Variants in RAD51B observed in about 807,000 individuals in gnomAD.
RAD51B encodes RAD51 paralog B, also known as DNA repair protein RAD51 homolog 2.
RAD51B carries 38 observed loss-of-function variants against 42.2 expected under a neutral mutation model. The ratio of observed to expected loss-of-function variants is 0.90; its 90% CI spans 0.70 to 1.18. The LOEUF (loss-of-function observed/expected upper bound fraction) is 1.18. RAD51B is among the 50% of genes most tolerant of loss of function. The probability of loss-of-function intolerance (pLI) is 0.00; values close to 1 mark genes in which losing one functional copy is unlikely to be tolerated. For synonymous variants in RAD51B, 154 were observed against 145.2 expected, an observed-to-expected ratio of 1.06 and a Z score of -0.43; for missense variants, 373 against 400.7, an observed-to-expected ratio of 0.93 and a Z score of 0.59.
At chr14:68,647,169 C>T (rs1892578650) in intron 10 of RAD51B, among the ~76,000 whole-genome samples, 1 of 152,134 alleles carries the variant, frequency 6.6e-6, no homozygotes, top group Admixed American at 6.5e-5. Context: ...TTTGCTTCAC[C>T]TGTTGATTTT....
intron 9 of RAD51B, among the ~76,000 whole-genome samples, chr14:68,456,921 T>G (rs900727719): frequency 1.9e-5 from 2 of 106,378 alleles, no homozygotes; most frequent in African/African-American, 4.0e-5. Context: ...TTTTTTTTTT[T>G]GCTTTTTTTG....
chr14:68,111,734 C>A (rs552145600), intron 7 of RAD51B, among the ~76,000 whole-genome samples: 1 of 152,118 alleles, frequency 6.6e-6, no homozygotes, highest in African/African-American at 2.4e-5. Flanking sequence ...GGGCAGGTTG[C>A]CAGAAGTGCC....
At chr14:68,498,366 G>A (rs1047270346) in intron 10 of RAD51B, among the ~76,000 whole-genome samples, 22 of 152,222 alleles carry the variant, frequency 1.4e-4, no homozygotes, top group African/African-American at 5.3e-4. Flanking sequence ...CCATAGCTAA[G>A]CAAGGGGCAG....
intron 7 of RAD51B, among the ~76,000 whole-genome samples, chr14:67,996,369 CTG>C (rs980241816): frequency 8.0e-4 from 121 of 151,664 alleles, no homozygotes; most frequent in African/African-American, 2.8e-3. Flanking sequence ...GCACTCCAGC[CTG>C]TGTTGACAGA....
At chr14:67,890,723 G>A (rs902288312) in intron 7 of RAD51B, among the ~76,000 whole-genome samples, 1 of 150,442 alleles carries the variant, frequency 6.6e-6, no homozygotes, top group African/African-American at 2.4e-5. Context: ...TATTTAGGAG[G>A]TAACAGCTAA....
intron 9 of RAD51B, among the ~76,000 whole-genome samples, chr14:68,412,893 C>T (rs1281384643): frequency 6.6e-6 from 1 of 152,198 alleles, no homozygotes; most frequent in Non-Finnish European, 1.5e-5. Context: ...TTGTTGAACA[C>T]ACCTATGTAA....
intron 7 of RAD51B, among the ~76,000 whole-genome samples, chr14:67,949,408 C>G (rs1008066875): frequency 2.6e-5 from 4 of 152,156 alleles, no homozygotes; most frequent in African/African-American, 9.7e-5. Context: ...TTGCTCATAC[C>G]TTATCCCTCA....
intron 7 of RAD51B, among the ~76,000 whole-genome samples, chr14:68,108,344 A>G (rs539236422): frequency 3.0e-4 from 46 of 152,126 alleles, no homozygotes; most frequent in African/African-American, 7.7e-4. Flanking sequence ...ATTATTCATA[A>G]TAGTCAGAAA....
chr14:68,423,357 G>A (rs1377382182), intron 9 of RAD51B, among the ~76,000 whole-genome samples: 2 of 152,200 alleles, frequency 1.3e-5, no homozygotes, highest in Non-Finnish European at 2.9e-5. Flanking sequence ...TTGCTATGCT[G>A]AGTTGATTCA....
chr14:68,199,208 C>A (rs1332290438), intron 7 of RAD51B, among the ~76,000 whole-genome samples: 3 of 152,206 alleles, frequency 2.0e-5, no homozygotes, highest in African/African-American at 7.2e-5. Flanking sequence ...AAGCAACACT[C>A]CAACTGTGTC....
intron 9 of RAD51B, among the ~76,000 whole-genome samples, chr14:68,459,129 C>T (rs2085777861): frequency 6.6e-6 from 1 of 152,216 alleles, no homozygotes; most frequent in Admixed American, 6.5e-5. Flanking sequence ...ACACTTCAAG[C>T]TCCCCTGATC....
chr14:68,181,667 A>G (rs555146378), intron 7 of RAD51B, among the ~76,000 whole-genome samples: 57 of 152,318 alleles, frequency 3.7e-4, no homozygotes, highest in African/African-American at 1.4e-3. Context: ...TGACTGAAAT[A>G]CTAGAAAGGA....
intron 8 of RAD51B, among the ~76,000 whole-genome samples, chr14:68,331,336 C>A: frequency 8.9e-6 from 1 of 112,104 alleles, no homozygotes; most frequent in South Asian, 3.0e-4. Flanking sequence ...CCACTGCACT[C>A]CAGCCTGGGC....
At chr14:68,221,982 C>T (rs754911938) in intron 7 of RAD51B, among the ~76,000 whole-genome samples, 3 of 152,152 alleles carry the variant, frequency 2.0e-5, no homozygotes, top group African/African-American at 4.8e-5. Flanking sequence ...ATCAAAACCA[C>T]GACGTGATAC....
intron 7 of RAD51B, among the ~76,000 whole-genome samples, chr14:68,212,272 T>A (rs1228316313): frequency 6.6e-6 from 1 of 152,232 alleles, no homozygotes; most frequent in Non-Finnish European, 1.5e-5. Flanking sequence ...TGGGTTTGAA[T>A]ACTAGGTCAG....
At chr14:68,504,217 T>C (rs1373559782) in intron 10 of RAD51B, among the ~76,000 whole-genome samples, 1 of 152,126 alleles carries the variant, frequency 6.6e-6, no homozygotes, top group African/African-American at 2.4e-5. Context: ...TACCTCCAGT[T>C]GTATTTCCTG....
intron 7 of RAD51B, among the ~76,000 whole-genome samples, chr14:68,279,098 A>G (rs1001805817): frequency 1.3e-5 from 2 of 152,204 alleles, no homozygotes; most frequent in Non-Finnish European, 1.5e-5. Flanking sequence ...ATAAACCAAC[A>G]AGGAGTTGAG....
chr14:68,260,716 T>G (rs1416550302), intron 7 of RAD51B, among the ~76,000 whole-genome samples: 1 of 152,186 alleles, frequency 6.6e-6, no homozygotes, highest in African/African-American at 2.4e-5. Context: ...GAGAGACCTT[T>G]TTGCTTCTGC....
rs549494624 is a variant in RAD51B, at chr14:67,946,607, C to A, written c.756+59403C>A. On this transcript the variant is annotated intron_variant, in intron 7 of 10. Transcript: ENST00000471583. ...GGTCTTGAACTCCTGACCTCGTGAT[C>A]CACCCGCCTCGGCCTCCCAAAGTGT... 3.1e-4 allele frequency among the ~76,000 whole-genome samples: 47 copies of A among 152,318 alleles called. No individual in the cohort carries two copies. The South Asian group carries it at 9.7e-3, about 32-fold the overall frequency.
Sources: gnomAD v4.1 joint callset for allele counts (sites outside exome capture counted in the v4.1 genomes callset) on GRCh38, gnomAD v4.1.1 for gene constraint, MANE v1.5 for transcripts, NCBI Gene and HGNC (gene_info 2026-07-23, HGNC 2026-07-21) for gene names.